The following SNRPD1 variants were observed in gnomAD, a reference collection of about 807,000 sequenced individuals.
The protein encoded by SNRPD1 is small nuclear ribonucleoprotein Sm D1.
In SNRPD1, 1 loss-of-function variant was observed where a neutral mutation model predicts 14.4. The ratio of observed to expected loss-of-function variants is 0.07; its 90% CI spans 0.02 to 0.33. The LOEUF (loss-of-function observed/expected upper bound fraction) is 0.33, where lower values mean the gene tolerates loss of function less well. Among genes scored for constraint, SNRPD1 ranks in the 10% least tolerant of loss-of-function variants. SNRPD1 has a pLI of 1.00. For synonymous variants in SNRPD1, 42 were observed against 50.3 expected, an observed-to-expected ratio of 0.83 and a Z score of 0.70; for missense variants, 52 against 146.4, an observed-to-expected ratio of 0.36 and a Z score of 3.33.
chr18:21,616,749 A>C (rs1401178069), intron 1 of SNRPD1, among the ~76,000 whole-genome samples: 6 of 127,536 alleles, frequency 4.7e-5, no homozygotes, highest in Non-Finnish European at 1.6e-5. Flanking sequence ...GCAGTGGCGC[A>C]CTCTCGGCTC....
rs1285491445 is a variant in SNRPD1, at chr18:21,630,891, ATG to A, written c.*1755_*1756del. 6.7e-6 allele frequency: 1 copy of A among 149,546 alleles called. No individual in the cohort carries two copies. The highest frequency in any genetic ancestry group is 1.5e-5 in the Non-Finnish European group (1 of 67,564). 9.3% of individuals were successfully genotyped at this position (149,546 alleles called of 1,614,324 possible). A position where few individuals can be genotyped will look rare whatever the true frequency, so the allele number is the denominator to read the frequency against. ...CCTGTCATATATATTAGATATATAA[ATG>A]TATATATTGGTATAAATAAATACTA... On this transcript the variant is annotated 3_prime_UTR_variant, in exon 4 of 4. Transcript: ENST00000300413.
intron 3 of SNRPD1, among the ~76,000 whole-genome samples, chr18:21,625,252 A>G (rs142407732): frequency 1.4e-5 from 2 of 145,192 alleles, no homozygotes; most frequent in East Asian, 2.0e-4. Context: ...TTCAGAAGTT[A>G]TTCTTCCTTT....
At chr18:21,620,999 T>A (rs2038993047) in intron 1 of SNRPD1, among the ~76,000 whole-genome samples, 1 of 147,698 alleles carries the variant, frequency 6.8e-6, no homozygotes, top group Non-Finnish European at 1.5e-5. Context: ...CCGTCTCTAC[T>A]AAAAAAAAAA....
chr18:21,613,373 A>G (rs924856063), intron 1 of SNRPD1, among the ~76,000 whole-genome samples: 1 of 152,170 alleles, frequency 6.6e-6, no homozygotes, highest in African/African-American at 2.4e-5. Context: ...TGTTGAGTCA[A>G]GGATTGTCAA....
In SNRPD1 at chr18:21,629,106, C is replaced by G. The variant is rs2039061337; in HGVS notation, c.328C>G (p.Arg110Gly). ...RGRGRGRGRG[R>G]GRGRGGPRR is the part of the protein sequence containing the mutation. The stretch of plus-strand genomic sequence containing the variant: ...AAGAGGAAGAGGAAGAGGACGTGGC[C>G]GTGGCAGAGGAAGAGGGGGTCCTAG... Residue 110 changes from arginine to glycine, a missense_variant, in exon 4 of 4, where the codon CGT becomes GGT. Physicochemically the swap from Arg to Gly is moderately radical, Grantham distance 125. Coordinates refer to ENST00000300413, the MANE Select transcript of SNRPD1 (RefSeq NM_006938.4). The G allele has an allele frequency of 6.2e-7, 1 of 1,613,494 alleles. No individual in the cohort carries two copies. The highest frequency in any genetic ancestry group is 8.5e-7 in the Non-Finnish European group (1 of 1,179,788).
chr18:21,614,427 C>G (rs991069921), intron 1 of SNRPD1, among the ~76,000 whole-genome samples: 1 of 152,160 alleles, frequency 6.6e-6, no homozygotes, highest in African/African-American at 2.4e-5. Context: ...AATACCTGTA[C>G]TGAATCCTGT....
At chr18:21,621,318 A>C (rs1408775444) in intron 1 of SNRPD1, among the ~76,000 whole-genome samples, 1 of 152,220 alleles carries the variant, frequency 6.6e-6, no homozygotes, top group Non-Finnish European at 1.5e-5. Flanking sequence ...AAATTGAACC[A>C]AAGTAATGTC....
chr18:21,629,676 G>A lies in SNRPD1; in HGVS notation c.*538G>A, dbSNP rs1357529535. The A allele has an allele frequency of 6.5e-6, 1 of 154,404 alleles. No homozygotes were observed. Among genetic ancestry groups the A allele is most frequent in the Non-Finnish European group, 1.4e-5 (1 of 69,414 alleles). 9.6% of individuals were successfully genotyped at this position (154,404 alleles called of 1,614,324 possible). On this transcript the variant is annotated 3_prime_UTR_variant, in exon 4 of 4. Transcript: ENST00000300413. ...AAACTTAGTGATTGCCACAAGAGTA[G>A]GGTACCGTCTGTTTACACGTCCAGT...
At position 21,629,311 on chromosome 18, in the gene SNRPD1, A is replaced by G; in HGVS notation, c.*173A>G. The stretch of plus-strand genomic sequence containing the variant: ...GAAATTACCACAGTGAGAGCTAAGC[A>G]TTTCTACTGGGCAGTTTCATTTTTA... On this transcript the variant is annotated 3_prime_UTR_variant, in exon 4 of 4. Transcript: ENST00000300413. 3.6e-6 allele frequency: 2 copies of G among 552,862 alleles called. No homozygotes were observed. The highest frequency in any genetic ancestry group is 5.1e-4 in the Middle Eastern group (1 of 1,954). The allele number at this position is 552,862 out of a possible 1,614,324, so 34.2% of individuals were successfully genotyped here.
At chr18:21,625,614 C>T (rs562708032) in intron 3 of SNRPD1, among the ~76,000 whole-genome samples, 17 of 151,500 alleles carry the variant, frequency 1.1e-4, no homozygotes, top group African/African-American at 3.9e-4. Flanking sequence ...CCGCGCCCAG[C>T]CGAAATCTTT....
intron 2 of SNRPD1, 102 bp downstream of exon 2, chr18:21,622,903 CT>C: frequency 1.8e-6 from 1 of 553,668 alleles, no homozygotes; most frequent in Non-Finnish European, 3.2e-6. Context: ...AGTACAAATC[CT>C]TATTTTTTTT....
chr18:21,620,251 G>T (rs556419786), intron 1 of SNRPD1, among the ~76,000 whole-genome samples: 120 of 152,066 alleles, frequency 7.9e-4, no homozygotes, highest in Non-Finnish European at 1.4e-3. Context: ...ACCGCACCCG[G>T]CCAACTAATT....
In SNRPD1 at chr18:21,627,939, G is replaced by A. The variant is rs528635315; in HGVS notation, c.284-1123G>A. 2.7e-4 allele frequency among the ~76,000 whole-genome samples: 41 copies of A among 152,162 alleles called. No individual in the cohort carries two copies. The South Asian group carries it at 3.3e-3, about 12-fold the overall frequency. ...ACGTTTCCTTAGTTTCCTTTAATGC[G>A]TATCAGCTGGTTCTCCTCAGTTTTC... On this transcript the variant is annotated intron_variant, in intron 3 of 3. Coordinates refer to ENST00000300413, the MANE Select transcript of SNRPD1 (RefSeq NM_006938.4).
chr18:21,615,119 G>A (rs2038947562), intron 1 of SNRPD1, among the ~76,000 whole-genome samples: 1 of 152,088 alleles, frequency 6.6e-6, no homozygotes, highest in Non-Finnish European at 1.5e-5. Flanking sequence ...GCAACCTCTG[G>A]CTCCATACCC....
intron 1 of SNRPD1, among the ~76,000 whole-genome samples, chr18:21,618,523 A>G (rs1395651830): frequency 6.6e-6 from 1 of 151,980 alleles, no homozygotes; most frequent in Non-Finnish European, 1.5e-5. Flanking sequence ...AGTTCTTACT[A>G]ACTGGGATAG....
intron 2 of SNRPD1, 128 bp downstream of exon 2, chr18:21,622,929 ATTT>A (rs61664136): frequency 5.2e-4 from 215 of 411,304 alleles, no homozygotes; most frequent in African/African-American, 1.3e-3. Flanking sequence ...GAATTATGTA[ATTT>A]TTTTTTTTTT....
rs1215891717 is a variant in SNRPD1, at chr18:21,624,615, T to C, written c.283+676T>C. 4.0e-5 allele frequency among the ~76,000 whole-genome samples: 6 copies of C among 149,832 alleles called. No individual in the cohort carries two copies. The Admixed American group carries it at 4.0e-4, about 10-fold the overall frequency. On this transcript the variant is annotated intron_variant, in intron 3 of 3. Transcript: ENST00000300413. The stretch of plus-strand genomic sequence containing the variant: ...TTGAGGCAGACGAATCACTTGAACC[T>C]GGGAGGTGGAGGTTGCTGTGAGCCA...
chr18:21,612,338 A>G lies in SNRPD1; in HGVS notation c.-92A>G. The G allele has an allele frequency of 1.0e-6, 1 of 955,926 alleles. No homozygotes were observed. Among genetic ancestry groups the G allele is most frequent in the East Asian group, 2.8e-5 (1 of 35,140 alleles). The allele number at this position is 955,926 out of a possible 1,614,324, so 59.2% of individuals were successfully genotyped here. On this transcript the variant is annotated 5_prime_UTR_variant, in exon 1 of 4. Transcript: ENST00000300413. ...TCTTGACGTCCGGAGCCCCTGGAGT[A>G]GGCGCTTCCGGCCATTCATACTGCA...
intron 1 of SNRPD1, among the ~76,000 whole-genome samples, chr18:21,621,865 G>A (rs1389084408): frequency 6.6e-6 from 1 of 152,118 alleles, no homozygotes; most frequent in African/African-American, 2.4e-5. Flanking sequence ...ATAGGCATGA[G>A]CCATCACGCC....
Sources: allele counts gnomAD v4.1 joint callset (sites outside exome capture counted in the v4.1 genomes callset), GRCh38; gene constraint gnomAD v4.1.1; transcripts MANE v1.5; gene names NCBI Gene and HGNC (gene_info 2026-07-23, HGNC 2026-07-21).